The following DOCK4 variants were observed in gnomAD, a reference collection of about 807,000 sequenced individuals.
DOCK4 encodes dedicator of cytokinesis 4, also known as dedicator of cytokinesis protein 4.
Under a neutral mutation model 268.1 loss-of-function variants are expected in DOCK4, and 97 were observed. The ratio of observed to expected loss-of-function variants is 0.36; its 90% confidence interval spans 0.31 to 0.43. The LOEUF is 0.43. DOCK4 is among the 20% of genes least tolerant of loss of function. DOCK4 has a pLI of 1.00. For missense variants in DOCK4, 2,145 were observed against 2,455.7 expected (o/e 0.87, Z 2.67); for synonymous variants, 954 against 887.2 (o/e 1.08, Z -1.34).
At chr7:111,759,937 G>A (rs1372387248) in intron 40 of DOCK4, among the ~76,000 whole-genome samples, 1 of 152,166 alleles carries the variant, frequency 6.6e-6, no homozygotes, top group South Asian at 2.1e-4. Context: ...AGCTATACAA[G>A]AGGTTTAATT....
In DOCK4 at chr7:111,760,052, G is replaced by A. The variant is rs897455841; in HGVS notation, c.4162+129C>T. On this transcript the variant is annotated intron_variant, in intron 40 of 52. Coordinates refer to ENST00000428084, the MANE Select transcript of DOCK4 (RefSeq NM_001363540.2). ...GGAGTTAAGCTAAAATTAAGATGAT[G>A]GGAAAGAGGGAGCAGTAACGATGTG... 3 of 1,146,882 alleles carry A rather than the reference G, an allele frequency of 2.6e-6. No homozygotes were observed. The African/African-American group carries it at 4.6e-5, about 18-fold the overall frequency. The allele number at this position is 1,146,882 out of a possible 1,614,324, so 71.0% of individuals were successfully genotyped here.
chr7:111,756,982 AG>A (rs1386790362), intron 41 of DOCK4, among the ~76,000 whole-genome samples: 2 of 151,888 alleles, frequency 1.3e-5, no homozygotes, highest in African/African-American at 4.8e-5. Context: ...CAGTTCTCAG[AG>A]GGGGTGACGC....
chr7:111,728,787 T>G lies in DOCK4; in HGVS notation c.5482-67A>C, dbSNP rs894240365. 22 of 1,457,774 alleles carry G rather than the reference T, an allele frequency of 1.5e-5. No individual in the cohort carries two copies. In the Middle Eastern group the frequency reaches 1.1e-3, roughly 75 times the overall value. 90.3% of individuals were successfully genotyped at this position (1,457,774 alleles called of 1,614,324 possible). A position where few individuals can be genotyped will look rare whatever the true frequency, so the allele number is the denominator to read the frequency against. Reference sequence around the variant, plus strand: ...AGTCGTGAACGCAGATGCGCTGAAATGTACGCCCCGACGCGGAGGCCCCGG... The same window carrying G: ...AGTCGTGAACGCAGATGCGCTGAAAGGTACGCCCCGACGCGGAGGCCCCGG... On this transcript the variant is annotated intron_variant, in intron 52 of 52. Coordinates refer to ENST00000428084, the MANE Select transcript of DOCK4 (RefSeq NM_001363540.2).
chr7:112,050,688 T>TAGCTTCC (rs1358308464), intron 1 of DOCK4, among the ~76,000 whole-genome samples: 3 of 152,080 alleles, frequency 2.0e-5, no homozygotes, highest in Admixed American at 6.6e-5. Context: ...GAGAAAGCTC[T>TAGCTTCC]AGCTTCCAGC....
chr7:112,012,950 G>C (rs1009604964), intron 1 of DOCK4, among the ~76,000 whole-genome samples: 2 of 152,032 alleles, frequency 1.3e-5, no homozygotes, highest in Non-Finnish European at 2.9e-5. Flanking sequence ...CGCAACCGGA[G>C]GGACTCAGCA....
intron 1 of DOCK4, among the ~76,000 whole-genome samples, chr7:112,162,524 T>TCC (rs1471564914): frequency 1.3e-5 from 2 of 151,754 alleles, no homozygotes; most frequent in Non-Finnish European, 2.9e-5. Flanking sequence ...TCTCTCTCTC[T>TCC]CTCTCTCTCT....
intron 1 of DOCK4, among the ~76,000 whole-genome samples, chr7:112,170,167 T>C (rs888771307): frequency 6.6e-6 from 1 of 152,056 alleles, no homozygotes; most frequent in Non-Finnish European, 1.5e-5. Flanking sequence ...TGAAAGAGCA[T>C]ATGTGGTCGG....
intron 1 of DOCK4, among the ~76,000 whole-genome samples, chr7:112,191,636 T>C (rs1819962900): frequency 6.6e-6 from 1 of 152,206 alleles, no homozygotes; most frequent in South Asian, 2.1e-4. Context: ...CCTGGGGCTG[T>C]GCCTCCAGAT....
At chr7:111,865,063 G>A (rs1028609809) in intron 22 of DOCK4, among the ~76,000 whole-genome samples, 2 of 152,222 alleles carry the variant, frequency 1.3e-5, no homozygotes, top group African/African-American at 2.4e-5. Context: ...GAAAATAAAA[G>A]TACAATTTAG....
At chr7:111,840,547 AG>A (rs1803600064) in intron 25 of DOCK4, among the ~76,000 whole-genome samples, 1 of 151,780 alleles carries the variant, frequency 6.6e-6, no homozygotes, top group South Asian at 2.1e-4. Flanking sequence ...TTTTCTAGCT[AG>A]GGAAAGCATT....
In DOCK4 at chr7:111,769,610, G is replaced by A. The variant is rs1233080911; in HGVS notation, c.3747C>T (p.Phe1249=). ...ATTCTGTTTGCATGGGGTAGGTCAG[G>A]AACTCCCTGAGGGGCCGATCAGACC... ...LEWSDRPLRE[F]LTYPMQTEWQ... Residue 1249 remains phenylalanine, a synonymous_variant, in exon 37 of 53, where the codon TTC becomes TTT. Coordinates refer to ENST00000428084, the MANE Select transcript of DOCK4 (RefSeq NM_001363540.2). 2.5e-6 allele frequency: 4 copies of A among 1,613,760 alleles called. No homozygotes were observed. The Admixed American group carries it at 5.0e-5, about 20-fold the overall frequency.
intron 5 of DOCK4, 22 bp from the exon 6 acceptor site, chr7:111,989,185 A>C: frequency 6.2e-7 from 1 of 1,613,410 alleles, no homozygotes. Flanking sequence ...ACAAATGTGG[A>C]GATTTGGCAG....
At chr7:111,786,060 CAAAG>C (rs1799142870) in intron 32 of DOCK4, among the ~76,000 whole-genome samples, 1 of 152,068 alleles carries the variant, frequency 6.6e-6, no homozygotes, top group Non-Finnish European at 1.5e-5. Context: ...CTTTTTAATC[CAAAG>C]AGTAGAGTTA....
chr7:112,057,580 C>G (rs1039978423), intron 1 of DOCK4, among the ~76,000 whole-genome samples: 12 of 150,898 alleles, frequency 8.0e-5, no homozygotes, highest in African/African-American at 2.9e-4. Context: ...AATGAATAAG[C>G]CTTGGAATAT....
chr7:112,047,300 T>C (rs1003492345), intron 1 of DOCK4, among the ~76,000 whole-genome samples: 6 of 152,202 alleles, frequency 3.9e-5, no homozygotes, highest in Non-Finnish European at 8.8e-5. Flanking sequence ...AAATATTCGC[T>C]ACCTAAACTG....
chr7:112,040,143 A>G (rs1804223960), intron 1 of DOCK4, among the ~76,000 whole-genome samples: 1 of 152,182 alleles, frequency 6.6e-6, no homozygotes, highest in Admixed American at 6.5e-5. Context: ...ATATTAAACA[A>G]CAAAAAGCAA....
Position 111,849,652 on chromosome 7 carries a change from G to A in DOCK4, c.2474-2526C>T, listed in dbSNP as rs547590366. 3.3e-5 allele frequency among the ~76,000 whole-genome samples: 5 copies of A among 152,192 alleles called. No homozygotes were observed. The East Asian group carries it at 5.8e-4, about 18-fold the overall frequency. On this transcript the variant is annotated intron_variant, in intron 23 of 52. Coordinates refer to ENST00000428084, the MANE Select transcript of DOCK4 (RefSeq NM_001363540.2). ...CAAGTAAGGCACCAAAATGCTAACT[G>A]GAAATCACAAAATCTCTGTATGCCT...
chr7:111,922,896 A>G (rs1461286423), intron 12 of DOCK4, among the ~76,000 whole-genome samples: 1 of 151,826 alleles, frequency 6.6e-6, no homozygotes, highest in African/African-American at 2.4e-5. Flanking sequence ...TCAGTTCTTT[A>G]CTCCTGATGA....
intron 1 of DOCK4, among the ~76,000 whole-genome samples, chr7:112,004,380 T>C (rs1198422391): frequency 1.3e-5 from 2 of 152,222 alleles, no homozygotes; most frequent in African/African-American, 4.8e-5. Flanking sequence ...AATATATCAA[T>C]GCTATCACTC....
Sources: gnomAD v4.1 joint callset for allele counts (sites outside exome capture counted in the v4.1 genomes callset) on GRCh38, gnomAD v4.1.1 for gene constraint, MANE v1.5 for transcripts, NCBI Gene and HGNC (gene_info 2026-07-23, HGNC 2026-07-21) for gene names.